Variants in FBXO4 observed in about 807,000 individuals in gnomAD.
The protein encoded by FBXO4 is F-box only protein 4.
Under a neutral mutation model 43.7 loss-of-function variants are expected in FBXO4, and 36 were observed. The observed-to-expected ratio is 0.82, with a 90% CI of 0.63 to 1.09. The LOEUF is 1.09. FBXO4 is among the 50% of genes least tolerant of loss of function. The probability of loss-of-function intolerance (pLI) is 0.00; values close to 1 mark genes in which losing one functional copy is unlikely to be tolerated. For missense variants in FBXO4, 435 were observed against 474.1 expected (o/e 0.92, Z 0.77); for synonymous variants, 180 against 165.6 (o/e 1.09, Z -0.67).
chr5:41,959,332 T>C, the FBXO4 span, among the ~76,000 whole-genome samples: 3 of 152,166 alleles, frequency 2.0e-5, no homozygotes, highest in African/African-American at 4.8e-5. Flanking sequence ...TTTTCTCCCA[T>C]CCCATATGTT....
At chr5:41,991,510 T>C in the FBXO4 span, among the ~76,000 whole-genome samples, 4 of 152,364 alleles carry the variant, frequency 2.6e-5, no homozygotes, top group East Asian at 7.7e-4. Flanking sequence ...TAAACATTGG[T>C]TGAGAAATAA....
downstream of FBXO4, among the ~76,000 whole-genome samples, chr5:41,945,425 C>T (rs616972): frequency 6.6e-6 from 1 of 152,036 alleles, no homozygotes; most frequent in Non-Finnish European, 1.5e-5. Flanking sequence ...TAGGGAGACC[C>T]CCTGAAACTA....
the FBXO4 span, among the ~76,000 whole-genome samples, chr5:42,036,125 C>G: frequency 6.6e-6 from 1 of 152,120 alleles, no homozygotes; most frequent in East Asian, 1.9e-4. Context: ...CTTTGAGAAC[C>G]ACTGGGGTAG....
chr5:42,040,021 A>T, the FBXO4 span, among the ~76,000 whole-genome samples: 1 of 152,008 alleles, frequency 6.6e-6, no homozygotes. Context: ...GCTCTGGCTG[A>T]CTCCTTGACT....
the FBXO4 span, among the ~76,000 whole-genome samples, chr5:42,025,721 T>C: frequency 3.3e-5 from 5 of 151,922 alleles, no homozygotes; most frequent in African/African-American, 1.2e-4. Context: ...TTTTTGTGAA[T>C]GGAGAGAGAG....
At chr5:42,016,747 A>C in the FBXO4 span, among the ~76,000 whole-genome samples, 1 of 152,084 alleles carries the variant, frequency 6.6e-6, no homozygotes, top group East Asian at 1.9e-4. Flanking sequence ...GATTATTTTA[A>C]TAGTCTGTTG....
chr5:41,964,412 A>T, the FBXO4 span, among the ~76,000 whole-genome samples: 4 of 152,030 alleles, frequency 2.6e-5, no homozygotes. Context: ...GATGTGTTTT[A>T]ATAAAAAAAA....
At chr5:41,955,066 AAAGT>A in the FBXO4 span, among the ~76,000 whole-genome samples, 1 of 152,216 alleles carries the variant, frequency 6.6e-6, no homozygotes, top group Non-Finnish European at 1.5e-5. Flanking sequence ...GTCCTAAAGG[AAAGT>A]AGTGTCAGAG....
At chr5:41,997,237 C>T in the FBXO4 span, among the ~76,000 whole-genome samples, 1 of 152,224 alleles carries the variant, frequency 6.6e-6, no homozygotes, top group Non-Finnish European at 1.5e-5. Context: ...ATTGGAGTCA[C>T]CACTTGATTA....
At chr5:41,986,231 A>G in the FBXO4 span, among the ~76,000 whole-genome samples, 1 of 151,998 alleles carries the variant, frequency 6.6e-6, no homozygotes, top group African/African-American at 2.4e-5. Flanking sequence ...TTTCACTTAA[A>G]ATTTTTTTCT....
the FBXO4 span, among the ~76,000 whole-genome samples, chr5:42,025,927 T>TTCATTTATGCCAGTATA: frequency 6.6e-6 from 1 of 152,024 alleles, no homozygotes; most frequent in African/African-American, 2.4e-5. Context: ...AGTATCAAAC[T>TTCATTTATGCCAGTATA]GTTTTAGCTA....
At chr5:42,014,939 A>G in the FBXO4 span, among the ~76,000 whole-genome samples, 2 of 152,164 alleles carry the variant, frequency 1.3e-5, no homozygotes, top group Non-Finnish European at 2.9e-5. Flanking sequence ...TCATAATGAA[A>G]AATACAAAAA....
the FBXO4 span, among the ~76,000 whole-genome samples, chr5:41,998,562 C>G: frequency 3.5e-4 from 54 of 152,284 alleles, 1 homozygote; most frequent in African/African-American, 1.3e-3. Flanking sequence ...CCTTTTGTAA[C>G]TCCATGAGCT....
At chr5:41,977,140 T>C in the FBXO4 span, among the ~76,000 whole-genome samples, 1 of 152,290 alleles carries the variant, frequency 6.6e-6, no homozygotes, top group African/African-American at 2.4e-5. Flanking sequence ...CTCCTAGGCC[T>C]ATAAACCTGT....
the FBXO4 span, among the ~76,000 whole-genome samples, chr5:42,005,022 A>G: frequency 6.6e-6 from 1 of 152,130 alleles, no homozygotes; most frequent in Non-Finnish European, 1.5e-5. Context: ...AATTGATGAA[A>G]ACTTGCTGCA....
At chr5:41,966,920 T>C in the FBXO4 span, among the ~76,000 whole-genome samples, 1 of 152,216 alleles carries the variant, frequency 6.6e-6, no homozygotes, top group Non-Finnish European at 1.5e-5. Context: ...TAATGGCTGC[T>C]CTTGGGTAGA....
chr5:42,034,862 A>G, the FBXO4 span, among the ~76,000 whole-genome samples: 6 of 151,866 alleles, frequency 4.0e-5, no homozygotes, highest in Non-Finnish European at 5.9e-5. Context: ...TTTTTTTTCC[A>G]TGTGAAATTT....
At chr5:42,006,821 T>C in the FBXO4 span, among the ~76,000 whole-genome samples, 3 of 146,514 alleles carry the variant, frequency 2.0e-5, no homozygotes, top group Middle Eastern at 3.6e-3. Flanking sequence ...TTGCAGAATA[T>C]AGCCAAGGCT....
rs548217650 is a variant in FBXO4, at chr5:41,926,911, G to T, written c.190-102G>T. 3.3e-4 allele frequency: 204 copies of T among 623,782 alleles called. 5 individuals carry two copies. The South Asian group carries it at 4.1e-3, about 12-fold the overall frequency. The allele number at this position is 623,782 out of a possible 1,614,324, so 38.6% of individuals were successfully genotyped here. ...GTAGATTTAGTTATTAAAAATACTA[G>T]TCAGTTGACCTTTTGTTATTTATTT... On this transcript the variant is annotated intron_variant, in intron 1 of 6. Coordinates refer to ENST00000281623, the MANE Select transcript of FBXO4 (RefSeq NM_012176.3).
Sources: allele counts gnomAD v4.1 joint callset (sites outside exome capture counted in the v4.1 genomes callset), GRCh38; gene constraint gnomAD v4.1.1; transcripts MANE v1.5; gene names NCBI Gene and HGNC (gene_info 2026-07-23, HGNC 2026-07-21).